SRGAP2B: variants seen among roughly 807,000 people sequenced by gnomAD.
SRGAP2B encodes SLIT-ROBO Rho GTPase activating protein 2B, also known as SLIT-ROBO Rho GTPase-activating protein 2B.
In SRGAP2B, 9 loss-of-function variants were observed where a neutral mutation model predicts 22.2. The ratio of observed to expected loss-of-function variants is 0.41; its 90% CI spans 0.24 to 0.71. The LOEUF is 0.71. Ranked by LOEUF, SRGAP2B falls within the 30% of genes least tolerant of loss-of-function variation. The pLI is 0.35. For synonymous variants in SRGAP2B, 36 were observed against 87.4 expected, an observed-to-expected ratio of 0.41 and a Z score of 3.28; for missense variants, 114 against 235.8, an observed-to-expected ratio of 0.48 and a Z score of 3.38.
intron 4 of SRGAP2B, among the ~76,000 whole-genome samples, chr1:144,921,099 C>T (rs1664218404): frequency 6.8e-6 from 1 of 147,218 alleles, no homozygotes; most frequent in African/African-American, 2.6e-5. Context: ...ATTAATCTAA[C>T]GTCTGGGCCC....
chr1:144,993,205 T>C (rs1670394471), intron 3 of SRGAP2B, among the ~76,000 whole-genome samples: 1 of 151,122 alleles, frequency 6.6e-6, no homozygotes, highest in Non-Finnish European at 1.5e-5. Flanking sequence ...TTTGAGGCTT[T>C]CCAGATGTAG....
intron 2 of SRGAP2B, among the ~76,000 whole-genome samples, chr1:145,041,075 G>GTATGTATA (rs1553627456): frequency 7.8e-5 from 6 of 76,470 alleles, no homozygotes; most frequent in African/African-American, 1.2e-4. Context: ...TATATATATA[G>GTATGTATA]TATATATATA....
intron 2 of SRGAP2B, among the ~76,000 whole-genome samples, chr1:145,073,100 A>C (rs1652266215): frequency 1.3e-5 from 2 of 150,364 alleles, no homozygotes; most frequent in Non-Finnish European, 2.9e-5. Flanking sequence ...AGGGATAGAA[A>C]ATGCTATTAA....
intron 2 of SRGAP2B, among the ~76,000 whole-genome samples, chr1:145,019,742 T>C (rs1672657660): frequency 7.3e-6 from 1 of 137,794 alleles, no homozygotes; most frequent in African/African-American, 2.9e-5. Context: ...CTGAGAGATA[T>C]AATTGATGTA....
chr1:144,971,130 C>G lies in SRGAP2B; in HGVS notation c.261-15529G>C, dbSNP rs1161384860. On this transcript the variant is annotated intron_variant, in intron 3 of 9. Coordinates refer to ENST00000612199, the Ensembl canonical transcript of SRGAP2B. ...ATTAGTATACTAAATAGGAACACTT[C>G]CTTTTTTTTTTTTTTTTGAGACGGA... Among the ~76,000 whole-genome samples, 14 of 149,034 alleles carry G rather than the reference C, an allele frequency of 9.4e-5. 1 individual carries two copies. Among genetic ancestry groups the G allele is most frequent in the African/African-American group, 3.5e-4 (14 of 39,692 alleles).
chr1:145,017,804 C>T (rs1472022939), intron 2 of SRGAP2B, among the ~76,000 whole-genome samples: 1 of 150,092 alleles, frequency 6.7e-6, no homozygotes, highest in Non-Finnish European at 1.5e-5. Flanking sequence ...TCCAACAAAG[C>T]CTCAGAGTTA....
chr1:144,970,854 C>A (rs1446665075), intron 3 of SRGAP2B, among the ~76,000 whole-genome samples: 1 of 149,904 alleles, frequency 6.7e-6, no homozygotes, highest in South Asian at 2.1e-4. Flanking sequence ...CCCTGCCTAA[C>A]ACACATGACT....
intron 4 of SRGAP2B, among the ~76,000 whole-genome samples, chr1:144,933,088 AT>A (rs1553605902): frequency 6.6e-6 from 1 of 151,760 alleles, no homozygotes; most frequent in African/African-American, 2.4e-5. Context: ...CCCTGAGTTG[AT>A]TTGTGGACGC....
At chr1:144,911,756 T>G (rs1399394019) in intron 5 of SRGAP2B, among the ~76,000 whole-genome samples, 1 of 147,596 alleles carries the variant, frequency 6.8e-6, no homozygotes, top group Non-Finnish European at 1.5e-5. Flanking sequence ...TAGCTGGGAC[T>G]ATAGGCACCC....
exon 3 of SRGAP2B, chr1:144,995,072 T>G: frequency 6.5e-7 from 1 of 1,540,636 alleles, no homozygotes; most frequent in South Asian, 1.2e-5. Context: ...TTCTCCAGGT[T>G]GCGGGAGTAG....
intron 2 of SRGAP2B, among the ~76,000 whole-genome samples, chr1:145,086,680 T>A: frequency 1.1e-5 from 1 of 91,736 alleles, no homozygotes; most frequent in Non-Finnish European, 2.1e-5. Flanking sequence ...AGACCCCATC[T>A]GAAAAAAAAA....
At chr1:144,991,335 A>G (rs1471973613) in intron 3 of SRGAP2B, among the ~76,000 whole-genome samples, 4 of 150,492 alleles carry the variant, frequency 2.7e-5, no homozygotes, top group Non-Finnish European at 5.9e-5. Flanking sequence ...CACACCAATC[A>G]GCACCCTGTG....
rs1315986124 is a variant in SRGAP2B, at chr1:144,983,136, GTTTCCTGGTAC to G, written c.260+11861_260+11871del. On this transcript the variant is annotated intron_variant, in intron 3 of 9. Coordinates refer to ENST00000612199, the Ensembl canonical transcript of SRGAP2B. ...GGGTTTTCCCTCCCGGGAGCTTCAT[GTTTCCTGGTAC>G]TTTCCTTCTCAAGGTCACTCCATAA... Among the ~76,000 whole-genome samples the G allele has an allele frequency of 4.1e-5, 6 of 147,768 alleles. 1 individual carries two copies. The highest frequency in any genetic ancestry group is 1.3e-4 in the Admixed American group (2 of 15,086).
intron 5 of SRGAP2B, among the ~76,000 whole-genome samples, chr1:144,910,432 G>A (rs1663336684): frequency 1.4e-5 from 2 of 145,948 alleles, no homozygotes; most frequent in Admixed American, 6.8e-5. Flanking sequence ...GCAGAGTTGA[G>A]GGACTATTAA....
chr1:144,904,698 CAAAA>C (rs1192600476), intron 7 of SRGAP2B, among the ~76,000 whole-genome samples: 1 of 16,936 alleles, frequency 5.9e-5, no homozygotes, highest in Non-Finnish European at 8.4e-5. Context: ...GACTCTATCT[CAAAA>C]AAAAAAAAAA....
intron 2 of SRGAP2B, among the ~76,000 whole-genome samples, chr1:145,068,978 T>G (rs1443756268): frequency 6.8e-6 from 1 of 147,834 alleles, no homozygotes; most frequent in Non-Finnish European, 1.5e-5. Context: ...TCTCTCAACA[T>G]GTAACCAGAA....
intron 4 of SRGAP2B, among the ~76,000 whole-genome samples, chr1:144,916,077 T>C (rs587714880): frequency 0.01 from 1,537 of 149,894 alleles, 108 homozygotes; most frequent in African/African-American, 0.037. Flanking sequence ...ACTTAAAAAA[T>C]ACTTTTTTTT....
chr1:144,939,597 G>A (rs879988352), intron 4 of SRGAP2B, among the ~76,000 whole-genome samples: 3 of 144,960 alleles, frequency 2.1e-5, no homozygotes, highest in Non-Finnish European at 4.5e-5. Context: ...CTTGAATACC[G>A]AGCAATTACA....
intron 2 of SRGAP2B, among the ~76,000 whole-genome samples, chr1:145,007,395 T>C (rs1441872349): frequency 6.6e-6 from 1 of 150,828 alleles, no homozygotes; most frequent in Admixed American, 6.6e-5. Flanking sequence ...CCCGAATTCC[T>C]TCACCTTCAC....
Sources: gnomAD v4.1 joint callset for allele counts (sites outside exome capture counted in the v4.1 genomes callset) on GRCh38, gnomAD v4.1.1 for gene constraint, MANE v1.5 for transcripts, NCBI Gene and HGNC (gene_info 2026-07-23, HGNC 2026-07-21) for gene names.